ODF2: variants seen among roughly 807,000 people sequenced by gnomAD.
ODF2 encodes outer dense fiber protein 2.
In ODF2, 47 loss-of-function variants were observed where a neutral mutation model predicts 110.2. The ratio of observed to expected loss-of-function variants is 0.43; its 90% CI spans 0.34 to 0.54. ODF2 has a LOEUF of 0.54. Among genes scored for constraint, ODF2 ranks in the 20% least tolerant of loss-of-function variants. ODF2 has a pLI of 0.03. For synonymous variants in ODF2, 352 were observed against 397.7 expected (o/e 0.89, Z 1.37); for missense variants, 812 against 1,054.5 (o/e 0.77, Z 3.19).
In ODF2 at chr9:128,467,014, AATATATATATATATATATATATAT is replaced by A. The variant is rs1387586322; in HGVS notation, c.250-2149_250-2126del. On this transcript the variant is annotated intron_variant, in intron 4 of 20. Transcript: ENST00000604420. ...AAAAAAAAAAAAAAAAAAAAAAAAA[AATATATATATATATATATATATAT>A]ATATATATATATATATATAGTCATA... Among the ~76,000 whole-genome samples, 69 of 24,794 alleles carry A rather than the reference AATATATATATATATATATATATAT, an allele frequency of 2.8e-3. No homozygotes were observed. In the Admixed American group the frequency reaches 0.036, roughly 13 times the overall value. 16.3% of individuals were successfully genotyped at this position (24,794 alleles called of 152,430 possible).
chr9:128,469,380 C>T (rs1353478864), intron 5 of ODF2, 27 bp downstream of exon 5: 2 of 1,611,532 alleles, frequency 1.2e-6, no homozygotes, highest in African/African-American at 2.7e-5. Context: ...GCTGGGATAG[C>T]TACTACCCTG....
At chr9:128,465,921 A>G (rs1237240685) in intron 4 of ODF2, among the ~76,000 whole-genome samples, 2 of 148,278 alleles carry the variant, frequency 1.3e-5, no homozygotes, top group East Asian at 2.0e-4. Context: ...AGGCAAATCA[A>G]CTGAGATCAG....
At chr9:128,471,521 C>G in intron 6 of ODF2, 53 bp downstream of exon 6, 2 of 1,576,396 alleles carry the variant, frequency 1.3e-6, no homozygotes, top group Non-Finnish European at 1.7e-6. Context: ...TACCAGGCTG[C>G]CTTGAGCCCT....
intron 18 of ODF2, chr9:128,496,367 A>G: frequency 7.2e-7 from 1 of 1,393,368 alleles, no homozygotes; most frequent in Non-Finnish European, 9.5e-7. Flanking sequence ...CATGATCAGG[A>G]TCTGCCCACC....
chr9:128,459,776 A>G (rs899277382), intron 3 of ODF2, 119 bp downstream of exon 2: 2 of 690,424 alleles, frequency 2.9e-6, no homozygotes, highest in Non-Finnish European at 5.0e-6. Context: ...TTGCTCTGCT[A>G]GGTGCTGTTA....
chr9:128,500,365 C>G, exon 21 of ODF2: 4 of 1,074,456 alleles, frequency 3.7e-6, no homozygotes, highest in Non-Finnish European at 4.1e-6. Context: ...AAAATGGGTT[C>G]AGGGTCTTGT....
exon 21 of ODF2, chr9:128,500,186 G>A (rs758628003): frequency 1.8e-5 from 29 of 1,614,096 alleles, no homozygotes; most frequent in Non-Finnish European, 2.4e-5. Context: ...ACGCCAACGT[G>A]TTTGGGGATG....
At position 128,478,228 on chromosome 9, in the gene ODF2, C is replaced by T. The variant is rs953350645; in HGVS notation, c.844-3352C>T. ...GGCCAGGCTGGTCTTGAACGCCTGA[C>T]CTCAAGTGATCTGTCTGCCTCGGCT... On this transcript the variant is annotated intron_variant, in intron 8 of 20. Transcript: ENST00000604420. Among the ~76,000 whole-genome samples, 3 of 152,270 alleles carry T rather than the reference C, an allele frequency of 2.0e-5. No homozygotes were observed. In the East Asian group the frequency reaches 5.8e-4, roughly 29 times the overall value.
intron 1 of ODF2, chr9:128,456,488 A>G (rs560238201): frequency 1.3e-6 from 2 of 1,524,142 alleles, no homozygotes; most frequent in Admixed American, 4.0e-5. Context: ...TCTCTTGGCT[A>G]CCACGGGGCT....
At chr9:128,458,342 T>C (rs958732126) in intron 2 of ODF2, among the ~76,000 whole-genome samples, 1 of 151,838 alleles carries the variant, frequency 6.6e-6, no homozygotes, top group Admixed American at 6.6e-5. Context: ...TAATCCCAGC[T>C]ACTCAGGAGC....
At chr9:128,484,718 G>C in exon 12 of ODF2, 1 of 1,576,586 alleles carries the variant, frequency 6.3e-7, no homozygotes. Flanking sequence ...AGCGCAGCGG[G>C]AATCAGCATA....
Position 128,469,365 on chromosome 9 carries a change from A to G in ODF2, c.420+12A>G. The G allele has an allele frequency of 6.2e-7, 1 of 1,613,662 alleles. No homozygotes were observed. The highest frequency in any genetic ancestry group is 8.5e-7 in the Non-Finnish European group (1 of 1,179,618). On this transcript the variant is annotated intron_variant, in intron 5 of 20. Transcript: ENST00000604420. ...GTCTGAAGTCTGAGGTGAGGGAGGTAGGGGGCTGGGATAGCTACTACCCTG... is the reference window on the plus strand; with the variant it reads ...GTCTGAAGTCTGAGGTGAGGGAGGTGGGGGGCTGGGATAGCTACTACCCTG...
intron 8 of ODF2, among the ~76,000 whole-genome samples, chr9:128,475,600 A>G (rs946467201): frequency 1.3e-5 from 2 of 151,986 alleles, no homozygotes; most frequent in African/African-American, 4.8e-5. Context: ...AATGCCCCCC[A>G]GTTCCATCTC....
chr9:128,455,553 CAAAAAAAAAAAAAAAAAAAAAAAAAAAA>C (rs55634490), upstream of ODF2, among the ~76,000 whole-genome samples: 75 of 56,850 alleles, frequency 1.3e-3, no homozygotes, highest in Non-Finnish European at 2.0e-3. Flanking sequence ...GAATCTGTCT[CAAAAAAAAAAAAAAAAAAAAAAAAAAAA>C]AAAAAAAAAA....
chr9:128,472,461 G>A (rs1311536270), intron 6 of ODF2, among the ~76,000 whole-genome samples: 1 of 152,134 alleles, frequency 6.6e-6, no homozygotes, highest in Non-Finnish European at 1.5e-5. Flanking sequence ...TGCCCACCTC[G>A]GCTTCCCAAA....
exon 19 of ODF2, chr9:128,498,538 G>A: frequency 6.2e-7 from 1 of 1,610,806 alleles, no homozygotes; most frequent in South Asian, 1.1e-5. Flanking sequence ...ACCCTGGCAA[G>A]GCAGTTGGAG....
At chr9:128,462,177 C>T (rs1421037821) in intron 4 of ODF2, among the ~76,000 whole-genome samples, 2 of 150,180 alleles carry the variant, frequency 1.3e-5, no homozygotes, top group East Asian at 3.9e-4. Context: ...TGGAGTTTCG[C>T]TCTTGTTGCC....
intron 6 of ODF2, among the ~76,000 whole-genome samples, chr9:128,471,673 C>T (rs529519236): frequency 1.4e-4 from 22 of 152,130 alleles, no homozygotes; most frequent in Non-Finnish European, 2.6e-4. Flanking sequence ...GGGAGGACCC[C>T]GTGGATTGTG....
In ODF2 at chr9:128,466,480, AT is replaced by A. The variant is rs1264055158; in HGVS notation, c.250-2702del. Among the ~76,000 whole-genome samples the A allele has an allele frequency of 8.1e-5, 11 of 135,708 alleles. No individual in the cohort carries two copies. The East Asian group carries it at 1.3e-3, about 17-fold the overall frequency. 89.0% of individuals were successfully genotyped at this position (135,708 alleles called of 152,430 possible). A position where few individuals can be genotyped will look rare whatever the true frequency, so the allele number is the denominator to read the frequency against. ...AGACCCCATCTCAAAAAAAAAAAAA[AT>A]GGAAAAGTGCAGGGATGTACACCCA... On this transcript the variant is annotated intron_variant, in intron 4 of 20. Transcript: ENST00000604420.
Sources: allele counts gnomAD v4.1 joint callset (sites outside exome capture counted in the v4.1 genomes callset), GRCh38; gene constraint gnomAD v4.1.1; transcripts MANE v1.5; gene names NCBI Gene and HGNC (gene_info 2026-07-23, HGNC 2026-07-21).